Variants in C2orf92 observed in about 807,000 individuals in gnomAD.
C2orf92 encodes chromosome 2 open reading frame 92.
chr2:97,675,826 A>T lies in C2orf92; in HGVS notation c.149-19A>T. 1 of 399,128 alleles carries T rather than the reference A, an allele frequency of 2.5e-6. No homozygotes were observed. The highest frequency in any genetic ancestry group is 4.4e-6 in the Non-Finnish European group (1 of 226,074). 24.7% of individuals were successfully genotyped at this position (399,128 alleles called of 1,614,324 possible). ...CCCAATGAAAGACTTAATCACAGCC[A>T]TGGTTTATTTTCCCTTAGGCTATTC... On this transcript the variant is annotated intron_variant, in intron 2 of 7. Coordinates refer to ENST00000627399, the MANE Select transcript of C2orf92 (RefSeq NM_001351368.2).
intron 3 of C2orf92, among the ~76,000 whole-genome samples, chr2:97,680,787 G>A (rs917788849): frequency 1.3e-5 from 2 of 152,112 alleles, no homozygotes; most frequent in African/African-American, 2.4e-5. Context: ...TTAGCCAGGC[G>A]TGGTGGTGGG....
chr2:97,699,641 G>A (rs1423764435), intron 6 of C2orf92, among the ~76,000 whole-genome samples: 1 of 151,848 alleles, frequency 6.6e-6, no homozygotes, highest in Non-Finnish European at 1.5e-5. Context: ...CCAACTCCGG[G>A]AATTTCACCA....
chr2:97,693,797 T>C (rs1676216559), intron 5 of C2orf92, among the ~76,000 whole-genome samples: 1 of 152,230 alleles, frequency 6.6e-6, no homozygotes, highest in Non-Finnish European at 1.5e-5. Flanking sequence ...CAGCAGGTCT[T>C]TGTATAGATA....
intron 5 of C2orf92, 54 bp from the exon 6 acceptor site, chr2:97,698,972 G>A: frequency 2.5e-6 from 1 of 397,790 alleles, no homozygotes; most frequent in Non-Finnish European, 4.4e-6. Context: ...CATAAACGCT[G>A]AACTAATCAC....
upstream of C2orf92, chr2:97,668,903 C>T (rs1033304508): frequency 6.6e-6 from 1 of 152,204 alleles, no homozygotes; most frequent in African/African-American, 2.4e-5. Context: ...ATCTGCCTGC[C>T]TTGGCCTCCC....
At chr2:97,673,142 G>C (rs1189681454) in intron 1 of C2orf92, among the ~76,000 whole-genome samples, 1 of 152,014 alleles carries the variant, frequency 6.6e-6, no homozygotes, top group African/African-American at 2.4e-5. Flanking sequence ...TGTTTTTGTG[G>C]GTACAATTTT....
intron 7 of C2orf92, among the ~76,000 whole-genome samples, chr2:97,701,804 C>T (rs563878781): frequency 1.3e-5 from 2 of 152,310 alleles, no homozygotes; most frequent in African/African-American, 4.8e-5. Flanking sequence ...CTCCGTGATC[C>T]TGCAAATGAA....
Position 97,674,632 on chromosome 2 carries a change from A to AGC in C2orf92, c.148+76_148+77dup, listed in dbSNP as rs1675517234. 34 of 397,472 alleles carry AGC rather than the reference A, an allele frequency of 8.6e-5. No individual in the cohort carries two copies. In the East Asian group the frequency reaches 1.2e-3, roughly 14 times the overall value. The allele number at this position is 397,472 out of a possible 1,614,324, so 24.6% of individuals were successfully genotyped here. ...TGTGTTATCTCAAATATGCGATGCTAGCATTTTAGCATTCCTTAAATTAAC... is the reference window on the plus strand; with the variant it reads ...TGTGTTATCTCAAATATGCGATGCTAGCGCATTTTAGCATTCCTTAAATTAAC... On this transcript the variant is annotated intron_variant, in intron 2 of 7. Coordinates refer to ENST00000627399, the MANE Select transcript of C2orf92 (RefSeq NM_001351368.2).
At chr2:97,688,364 G>T (rs1676031107) in intron 3 of C2orf92, among the ~76,000 whole-genome samples, 1 of 152,122 alleles carries the variant, frequency 6.6e-6, no homozygotes, top group Non-Finnish European at 1.5e-5. Flanking sequence ...AGCAAGGAAA[G>T]CCTAGAGGGG....
intron 5 of C2orf92, among the ~76,000 whole-genome samples, chr2:97,690,603 G>A (rs549967950): frequency 7.9e-5 from 12 of 151,986 alleles, no homozygotes; most frequent in African/African-American, 2.9e-4. Flanking sequence ...GTATGGTCTC[G>A]ATCTCCTGAC....
upstream of C2orf92, among the ~76,000 whole-genome samples, chr2:97,664,940 G>A (rs1195158074): frequency 1.3e-5 from 2 of 152,136 alleles, no homozygotes; most frequent in Admixed American, 1.3e-4. Flanking sequence ...ACAGTTTCGT[G>A]GTATTTTGGT....
At chr2:97,701,360 G>A (rs748627874) in intron 7 of C2orf92, 56 bp downstream of exon 7, 14 of 397,132 alleles carry the variant, frequency 3.5e-5, no homozygotes, top group Non-Finnish European at 5.8e-5. Context: ...TAGAACTCAC[G>A]CTGCCCTCAG....
At chr2:97,684,031 ATTTTT>A (rs1204247684) in intron 3 of C2orf92, among the ~76,000 whole-genome samples, 1 of 107,196 alleles carries the variant, frequency 9.3e-6, no homozygotes. Context: ...TGCCCAGCTA[ATTTTT>A]TTTTTTTTTT....
chr2:97,669,660 TC>T, upstream of C2orf92: 1 of 394,420 alleles, frequency 2.5e-6, no homozygotes, highest in Non-Finnish European at 4.5e-6. Context: ...TTGAGCAGGC[TC>T]CACCTCACTT....
At chr2:97,694,694 C>T (rs570119162) in intron 5 of C2orf92, 3 of 152,146 alleles carry the variant, frequency 2.0e-5, no homozygotes, top group South Asian at 2.1e-4. Context: ...CTGTTATGAA[C>T]GTGGATGTAC....
intron 3 of C2orf92, among the ~76,000 whole-genome samples, chr2:97,676,764 T>A (rs1675598939): frequency 6.7e-6 from 1 of 148,604 alleles, no homozygotes; most frequent in South Asian, 2.1e-4. Context: ...AGAGCTGTAC[T>A]GTCTATTAAA....
chr2:97,681,818 A>G (rs1000597155), intron 3 of C2orf92, among the ~76,000 whole-genome samples: 1 of 152,020 alleles, frequency 6.6e-6, no homozygotes, highest in Non-Finnish European at 1.5e-5. Context: ...AGATGGTGCC[A>G]CTGCACTCCA....
rs1197693884 is a variant in C2orf92, at chr2:97,689,005, T to C, written c.331+12T>C. ...AGACATGAGAAAAGGCAAGTGTATG[T>C]CATTAACATAATAAGTGCACACATT... On this transcript the variant is annotated intron_variant, in intron 4 of 7. Transcript: ENST00000627399. 7.5e-6 allele frequency: 3 copies of C among 398,488 alleles called. No homozygotes were observed. The highest frequency in any genetic ancestry group is 3.6e-5 in the East Asian group (1 of 28,096). The allele number at this position is 398,488 out of a possible 1,614,324, so 24.7% of individuals were successfully genotyped here. A position where few individuals can be genotyped will look rare whatever the true frequency, so the allele number is the denominator to read the frequency against.
intron 3 of C2orf92, among the ~76,000 whole-genome samples, chr2:97,683,076 C>CCACACACACACACACACACACACACA (rs760650490): frequency 7.0e-6 from 1 of 143,166 alleles, no homozygotes; most frequent in African/African-American, 2.6e-5. Flanking sequence ...CATATAGACT[C>CCACACACACACACACACACACACACA]CACACACACA....
Sources: gnomAD v4.1 joint callset for allele counts (sites outside exome capture counted in the v4.1 genomes callset) on GRCh38, gnomAD v4.1.1 for gene constraint, MANE v1.5 for transcripts, NCBI Gene and HGNC (gene_info 2026-07-23, HGNC 2026-07-21) for gene names.